Variants in CENPF observed in about 807,000 individuals in gnomAD.
CENPF encodes the protein AH antigen.
CENPF carries 214 observed loss-of-function variants against 307.3 expected under a neutral mutation model. The ratio of observed to expected loss-of-function variants is 0.70; its 90% CI spans 0.62 to 0.78. The LOEUF is 0.78. Ranked by LOEUF, CENPF falls within the 30% of genes least tolerant of loss-of-function variation. The pLI is 0.00. For missense variants in CENPF, 3,401 were observed against 3,483.9 expected, an observed-to-expected ratio of 0.98 and a Z score of 0.60; for synonymous variants, 1,259 against 1,270.6, an observed-to-expected ratio of 0.99 and a Z score of 0.19.
At position 214,640,874 on chromosome 1, in the gene CENPF, A is replaced by C; in HGVS notation, c.2536A>C (p.Asn846His). Residue 846 changes from asparagine to histidine, a missense_variant, in exon 12 of 20, where the codon AAC becomes CAC. By Grantham distance (68) the Asn-to-His change is moderately conservative. Coordinates refer to ENST00000366955, the MANE Select transcript of CENPF (RefSeq NM_016343.4). Reference sequence around the variant, plus strand: ...TTCATTAGAGTCTCAAAAACAGATGAACTCAGACCTGCAAAAGCAGTGTGA... The same window carrying C: ...TTCATTAGAGTCTCAAAAACAGATGCACTCAGACCTGCAAAAGCAGTGTGA... Reference protein sequence around the residue: ...EFSLESQKQMNSDLQKQCEEL... With the variant: ...EFSLESQKQMHSDLQKQCEEL... 1 of 1,597,386 alleles carries C rather than the reference A, an allele frequency of 6.3e-7. No individual in the cohort carries two copies. Among genetic ancestry groups the C allele is most frequent in the Non-Finnish European group, 8.5e-7 (1 of 1,175,734 alleles).
At chr1:214,658,780 A>G in intron 18 of CENPF, 70 bp from the exon 19 acceptor site, 2 of 1,479,386 alleles carry the variant, frequency 1.4e-6, no homozygotes, top group Non-Finnish European at 9.3e-7. Context: ...AAAACCACCT[A>G]ATGAATATCT....
chr1:214,645,904 G>A lies in CENPF; in HGVS notation c.6334G>A (p.Glu2112Lys). ...EFALRLSSTQEEVHQLRRGIE... is the reference protein window; with the variant it reads ...EFALRLSSTQKEVHQLRRGIE... ...CGCATTGAGGCTGAGCTCAACACAG[G>A]AGGAAGTGCATCAGCTGAGAAGAGG... The change falls in exon 13 of 20, where the codon GAG becomes AAG. Residue 2112 changes from glutamate (E) to lysine (K), a missense_variant. Physicochemically the swap from Glu to Lys is moderately conservative, Grantham distance 56. Coordinates refer to ENST00000366955, the MANE Select transcript of CENPF (RefSeq NM_016343.4). The A allele has an allele frequency of 6.2e-7, 1 of 1,614,120 alleles. No individual in the cohort carries two copies. Among genetic ancestry groups the A allele is most frequent in the East Asian group, 2.2e-5 (1 of 44,872 alleles).
chr1:214,609,861 A>G (rs1657152915), intron 1 of CENPF, among the ~76,000 whole-genome samples: 1 of 152,228 alleles, frequency 6.6e-6, no homozygotes, highest in Admixed American at 6.5e-5. Flanking sequence ...TTCCTGCAAA[A>G]AACCATGATC....
intron 10 of CENPF, among the ~76,000 whole-genome samples, chr1:214,637,319 A>AT (rs930189615): frequency 1.3e-5 from 2 of 152,182 alleles, no homozygotes; most frequent in Non-Finnish European, 2.9e-5. Flanking sequence ...TTATATTTGC[A>AT]TTTTTTGTAA....
chr1:214,640,264 T>C lies in CENPF; in HGVS notation c.1926T>C (p.Ser642=). 2 of 1,613,318 alleles carry C rather than the reference T, an allele frequency of 1.2e-6. No individual in the cohort carries two copies. Among genetic ancestry groups the C allele is most frequent in the Non-Finnish European group, 1.7e-6 (2 of 1,179,862 alleles). ...AATCAGAAAAGGAAAACTTGCAGAG[T>C]AAAATTAATCACTTGGAAACTTGTC... The part of the protein sequence containing the change: ...QMESEKENLQ[S]KINHLETCLK... Residue 642 remains serine, a synonymous_variant, in exon 12 of 20, where the codon AGT becomes AGC. Coordinates refer to ENST00000366955, the MANE Select transcript of CENPF (RefSeq NM_016343.4).
At chr1:214,655,163 TTA>T in intron 16 of CENPF, 76 bp from the exon 17 acceptor site, 1 of 883,910 alleles carries the variant, frequency 1.1e-6, no homozygotes, top group Non-Finnish European at 1.6e-6. Context: ...TATATGAATC[TTA>T]TATCTTATAA....
chr1:214,636,667 C>G (rs1657974886), intron 10 of CENPF, among the ~76,000 whole-genome samples: 1 of 152,156 alleles, frequency 6.6e-6, no homozygotes, highest in African/African-American at 2.4e-5. Context: ...AGGCAGCCTT[C>G]CAACACAGTA....
rs779889489 is a variant in CENPF, at chr1:214,641,068, A to G, written c.2730A>G (p.Glu910=). ...AETLSALENK[E]KELQLLNDKV... is the part of the protein sequence containing the mutation. ...CCTTAAGTGCCCTTGAGAACAAGGA[A>G]AAAGAGCTGCAACTTTTAAATGATA... Residue 910 remains glutamate, a synonymous_variant, in exon 12 of 20, where the codon GAA becomes GAG. Transcript: ENST00000366955. 1 of 1,565,514 alleles carries G rather than the reference A, an allele frequency of 6.4e-7. No homozygotes were observed. Among genetic ancestry groups the G allele is most frequent in the South Asian group, 1.2e-5 (1 of 81,714 alleles).
At position 214,641,944 on chromosome 1, in the gene CENPF, T is replaced by G. The variant is rs1558183377; in HGVS notation, c.3606T>G (p.Ser1202=). The change falls in exon 12 of 20, where the codon TCT becomes TCG. Residue 1202 remains serine (S), a synonymous_variant. Coordinates refer to ENST00000366955, the MANE Select transcript of CENPF (RefSeq NM_016343.4). ...PQMDLEVKEI[S]LDSYNAQLVQ... ...TGGATCTTGAAGTTAAAGAAATTTC[T>G]CTAGATAGTTATAATGCGCAGTTGG... 6.3e-7 allele frequency: 1 copy of G among 1,589,816 alleles called. No homozygotes were observed.
rs751833142 is a variant in CENPF at position 214,641,038 on chromosome 1, T to C, written c.2700T>C (p.Ala900=). 6.4e-7 allele frequency: 1 copy of C among 1,565,794 alleles called. No homozygotes were observed. The highest frequency in any genetic ancestry group is 1.4e-5 in the African/African-American group (1 of 72,446). Residue 900 remains alanine (A), a synonymous_variant, in exon 12 of 20, where the codon GCT becomes GCC. Transcript: ENST00000366955. ...EDTSAHQNVV[A]ETLSALENKE... Reference sequence around the variant, plus strand: ...CTTCTGCTCACCAGAATGTTGTTGCTGAAACCTTAAGTGCCCTTGAGAACA... The same window carrying C: ...CTTCTGCTCACCAGAATGTTGTTGCCGAAACCTTAAGTGCCCTTGAGAACA...
At position 214,658,862 on chromosome 1, in the gene CENPF, T is replaced by A; in HGVS notation, c.8975T>A (p.Ile2992Asn). Residue 2992 changes from isoleucine (I) to asparagine (N), a missense_variant, in exon 19 of 20, where the codon ATC becomes AAC. Coordinates refer to ENST00000366955, the MANE Select transcript of CENPF (RefSeq NM_016343.4). ...TTTTTGCCCTTAGGGTTTGCTGACA[T>A]CCCGACAGGAAAGACTAGCCCATAT... ...PEVVKKGFAD[I>N]PTGKTSPYIL... 6.2e-7 allele frequency: 1 copy of A among 1,613,982 alleles called. No individual in the cohort carries two copies. The highest frequency in any genetic ancestry group is 1.3e-5 in the African/African-American group (1 of 74,992).
chr1:214,624,148 A>C (rs954237554), intron 7 of CENPF, among the ~76,000 whole-genome samples: 5 of 152,034 alleles, frequency 3.3e-5, no homozygotes, highest in Non-Finnish European at 1.5e-5. Flanking sequence ...ACAGTGTATA[A>C]TTTAAAAAAT....
intron 10 of CENPF, among the ~76,000 whole-genome samples, chr1:214,635,909 G>A (rs1168380961): frequency 6.6e-6 from 1 of 151,962 alleles, no homozygotes; most frequent in Non-Finnish European, 1.5e-5. Flanking sequence ...TTCCTATTGG[G>A]ACGCACCTAG....
At chr1:214,658,519 C>G (rs1297972683) in intron 18 of CENPF, among the ~76,000 whole-genome samples, 1 of 151,628 alleles carries the variant, frequency 6.6e-6, no homozygotes, top group East Asian at 1.9e-4. Flanking sequence ...ATAAGGCCTG[C>G]TGGCATTCTT....
intron 12 of CENPF, among the ~76,000 whole-genome samples, chr1:214,643,690 T>A (rs1330082567): frequency 6.6e-6 from 1 of 152,166 alleles, no homozygotes; most frequent in Non-Finnish European, 1.5e-5. Flanking sequence ...AATGGTAATA[T>A]GTAAATTTTT....
Position 214,659,082 on chromosome 1 carries a change from T to C in CENPF, c.9141+54T>C. The stretch of plus-strand genomic sequence containing the variant: ...TTTGAGATCCAGAAAATTGCAGTAG[T>C]ACCTGGGTGAGGATTGGACACTGCA... On this transcript the variant is annotated intron_variant, in intron 19 of 19. Coordinates refer to ENST00000366955, the MANE Select transcript of CENPF (RefSeq NM_016343.4). This position sits in a 1 kb window ranked among gnomAD's most constrained non-coding sequence, Gnocchi z 4.4. The C allele has an allele frequency of 1.3e-6, 2 of 1,588,052 alleles. No homozygotes were observed. The highest frequency in any genetic ancestry group is 1.7e-6 in the Non-Finnish European group (2 of 1,160,736).
rs1658073736 is a variant in CENPF at position 214,640,295 on chromosome 1, A to C, written c.1957A>C (p.Thr653Pro). The change falls in exon 12 of 20, where the codon ACA (threonine) becomes CCA (proline). Residue 653 changes from threonine to proline, a missense_variant. By Grantham distance (38) the Thr-to-Pro change is conservative. Transcript: ENST00000366955. Reference sequence around the variant, plus strand: ...TAATCACTTGGAAACTTGTCTGAAGACACAGCAAATAAAAAGTCATGAATA... The same window carrying C: ...TAATCACTTGGAAACTTGTCTGAAGCCACAGCAAATAAAAAGTCATGAATA... ...KINHLETCLK[T>P]QQIKSHEYNE... The C allele has an allele frequency of 6.2e-7, 1 of 1,614,012 alleles. No homozygotes were observed. Among genetic ancestry groups the C allele is most frequent in the African/African-American group, 1.3e-5 (1 of 75,058 alleles).
intron 10 of CENPF, among the ~76,000 whole-genome samples, chr1:214,636,393 C>A (rs1033048031): frequency 7.2e-5 from 11 of 152,192 alleles, no homozygotes; most frequent in African/African-American, 2.7e-4. Context: ...TCGGTTGGAG[C>A]TGCCCTTTAG....
Position 214,645,206 on chromosome 1 carries a change from G to A in CENPF, c.5636G>A (p.Arg1879His), listed in dbSNP as rs555193833. 3.1e-4 allele frequency: 500 copies of A among 1,614,006 alleles called. 5 individuals carry two copies. In the South Asian group the frequency reaches 4.8e-3, roughly 16 times the overall value. Reference sequence around the variant, plus strand: ...GAAATGCATGCAGATAAATCATCACGTGAAGATATTGGAGATAATGTGGCC... The same window carrying A: ...GAAATGCATGCAGATAAATCATCACATGAAGATATTGGAGATAATGTGGCC... ...DLEMHADKSS[R>H]EDIGDNVAKV... The change falls in exon 13 of 20, where the codon CGT becomes CAT. Residue 1879 changes from arginine (R) to histidine (H), a missense_variant. Physicochemically the swap from Arg to His is conservative, Grantham distance 29. Transcript: ENST00000366955.
Sources: gnomAD v4.1 joint callset for allele counts (sites outside exome capture counted in the v4.1 genomes callset) on GRCh38, gnomAD v4.1.1 for gene constraint, Gnocchi (gnomAD v3.1) non-coding constraint, MANE v1.5 for transcripts, NCBI Gene and HGNC (gene_info 2026-07-23, HGNC 2026-07-21) for gene names.